The following PRR19 variants were observed in gnomAD, a reference collection of about 807,000 sequenced individuals.
The protein encoded by PRR19 is proline rich 19, also known as proline-rich protein 19.
Under a neutral mutation model 19.2 loss-of-function variants are expected in PRR19, and 9 were observed. The ratio of observed to expected loss-of-function variants is 0.47; its 90% CI spans 0.28 to 0.82. PRR19 has a LOEUF of 0.82. Among genes scored for constraint, PRR19 ranks in the 40% least tolerant of loss-of-function variants. PRR19 has a pLI of 0.11. For missense variants in PRR19, 457 were observed against 466.0 expected (o/e 0.98, Z 0.18); for synonymous variants, 190 against 191.0 (o/e 0.99, Z 0.04).
chr19:42,306,850 AG>A (rs937295309), intron 1 of PRR19: 25 of 152,144 alleles, frequency 1.6e-4, no homozygotes, highest in African/African-American at 5.5e-4. Context: ...CTGGGAGGGG[AG>A]GGGCTATAAC....
chr19:42,302,379 C>G lies in PRR19; in HGVS notation c.-131C>G. On this transcript the variant is annotated 5_prime_UTR_variant, in exon 1 of 3. Transcript: ENST00000341747. ...GGGAGTGTTCCGAACGGAGCTGGCT[C>G]CGCCACGCCCACTCCTACCCCTCGC... is the stretch of plus-strand genomic sequence containing the variant. The G allele has an allele frequency of 1.4e-6, 2 of 1,386,240 alleles. No homozygotes were observed. Among genetic ancestry groups the G allele is most frequent in the Non-Finnish European group, 2.0e-6 (2 of 1,015,492 alleles). 85.9% of individuals were successfully genotyped at this position (1,386,240 alleles called of 1,614,324 possible).
At chr19:42,304,298 C>G (rs2038682625) in intron 1 of PRR19, among the ~76,000 whole-genome samples, 1 of 151,306 alleles carries the variant, frequency 6.6e-6, no homozygotes, top group Admixed American at 6.6e-5. Context: ...GAGACTCTGT[C>G]TTAATTACAA....
chr19:42,307,817 G>A (rs1283684389), intron 1 of PRR19, among the ~76,000 whole-genome samples: 1 of 143,102 alleles, frequency 7.0e-6, no homozygotes, highest in Non-Finnish European at 1.5e-5. Flanking sequence ...GAGTGCAGTG[G>A]CGCGATCTCG....
At chr19:42,302,814 G>A (rs541276044) in intron 1 of PRR19, 12 of 137,482 alleles carry the variant, frequency 8.7e-5, no homozygotes, top group African/African-American at 2.9e-4. Flanking sequence ...TGCGGGGGGG[G>A]GGGTGACCCA....
rs765877778 is a variant in PRR19 at position 42,310,273 on chromosome 19, G to C, written c.604G>C (p.Ala202Pro). 2 of 1,614,092 alleles carry C rather than the reference G, an allele frequency of 1.2e-6. No homozygotes were observed. Among genetic ancestry groups the C allele is most frequent in the Non-Finnish European group, 1.7e-6 (2 of 1,180,012 alleles). ...LRGCQPPLPG[A>P]KPGVSERKMT... ...TATGCTTCTTTCCTCTGTGCCAGGGGCCAAGCCTGGGGTCTCTGAGAGAAA... is the reference window on the plus strand; with the variant it reads ...TATGCTTCTTTCCTCTGTGCCAGGGCCCAAGCCTGGGGTCTCTGAGAGAAA... Residue 202 changes from alanine to proline, a missense_variant and splice_region_variant, in exon 3 of 3, where the codon GCC becomes CCC. Transcript: ENST00000341747.
At chr19:42,307,813 A>C (rs2038730071) in intron 1 of PRR19, among the ~76,000 whole-genome samples, 1 of 124,374 alleles carries the variant, frequency 8.0e-6, no homozygotes, top group Non-Finnish European at 1.6e-5. Context: ...GCTGGAGTGC[A>C]GTGGCGCGAT....
chr19:42,305,439 C>T (rs927481520), intron 1 of PRR19, among the ~76,000 whole-genome samples: 4 of 151,794 alleles, frequency 2.6e-5, no homozygotes, highest in South Asian at 2.1e-4. Flanking sequence ...CCACCACGCC[C>T]GGCTAATTTT....
At chr19:42,304,075 C>T (rs1327080658) in intron 1 of PRR19, among the ~76,000 whole-genome samples, 1 of 150,106 alleles carries the variant, frequency 6.7e-6, no homozygotes, top group African/African-American at 2.5e-5. Context: ...GGTCAACCAG[C>T]CTGGCCAACA....
chr19:42,304,667 G>A (rs1394313866), intron 1 of PRR19, among the ~76,000 whole-genome samples: 1 of 146,014 alleles, frequency 6.8e-6, no homozygotes, highest in South Asian at 2.2e-4. Context: ...GGAGAATAGC[G>A]TGAACCTGGG....
Position 42,302,264 on chromosome 19 carries a change from C to A in PRR19, c.-246C>A, listed in dbSNP as rs1435256125. On this transcript the variant is annotated 5_prime_UTR_variant, in exon 1 of 3. Transcript: ENST00000341747. Reference sequence around the variant, plus strand: ...ATCCAGCGCCCGTCGCCCTGTACGTCCTGCACCGGCGTGGGCTTGCTGGCT... The same window carrying A: ...ATCCAGCGCCCGTCGCCCTGTACGTACTGCACCGGCGTGGGCTTGCTGGCT... 1.2e-6 allele frequency: 2 copies of A among 1,606,912 alleles called. No homozygotes were observed. Among genetic ancestry groups the A allele is most frequent in the Non-Finnish European group, 1.7e-6 (2 of 1,177,238 alleles).
chr19:42,310,342 C>G lies in PRR19; in HGVS notation c.673C>G (p.Gln225Glu). The change falls in exon 3 of 3, where the codon CAG becomes GAG. Residue 225 changes from glutamine to glutamate, a missense_variant. Coordinates refer to ENST00000341747, the MANE Select transcript of PRR19 (RefSeq NM_199285.3). ...TAATAGCCCTGATCAAGTCCCAGAGCAGGAGAGGCAAAGGAAGCAACAAGG... is the reference window on the plus strand; with the variant it reads ...TAATAGCCCTGATCAAGTCCCAGAGGAGGAGAGGCAAAGGAAGCAACAAGG... ...WINSPDQVPEQERQRKQQGTK... is the reference protein window; with the variant it reads ...WINSPDQVPEEERQRKQQGTK... 6.2e-7 allele frequency: 1 copy of G among 1,614,154 alleles called. No individual in the cohort carries two copies. The highest frequency in any genetic ancestry group is 8.5e-7 in the Non-Finnish European group (1 of 1,180,018).
rs1351118664 is a variant in PRR19, at chr19:42,310,432, C to A, written c.763C>A (p.Leu255Met). Reference sequence around the variant, plus strand: ...CATGCCCACTGCGCACAGGGGGAGTCTGGCACCGCCAAGAGGTCCCTGGCC... The same window carrying A: ...CATGCCCACTGCGCACAGGGGGAGTATGGCACCGCCAAGAGGTCCCTGGCC... ...SSMPTAHRGS[L>M]APPRGPWPPY... The change falls in exon 3 of 3, where the codon CTG (leucine) becomes ATG (methionine). Residue 255 changes from leucine to methionine, a missense_variant. By Grantham distance (15) the Leu-to-Met change is conservative. Transcript: ENST00000341747. The A allele has an allele frequency of 7.4e-6, 12 of 1,614,218 alleles. No individual in the cohort carries two copies. The highest frequency in any genetic ancestry group is 8.5e-6 in the Non-Finnish European group (10 of 1,180,028).
chr19:42,309,641 T>C lies in PRR19; in HGVS notation c.57T>C (p.Arg19=). 1 of 1,559,654 alleles carries C rather than the reference T, an allele frequency of 6.4e-7. No homozygotes were observed. The change falls in exon 2 of 3, where the codon CGT becomes CGC. Residue 19 remains arginine, a synonymous_variant. Coordinates refer to ENST00000341747, the MANE Select transcript of PRR19 (RefSeq NM_199285.3). ...TTCAGCAGCCTGAGAAACCTGGTCG[T>C]GTCCGTCGTCGGAAGACTAGGCGGG... is the stretch of plus-strand genomic sequence containing the variant. The part of the protein sequence containing the change: ...QPFQQPEKPG[R]VRRRKTRRER...
intron 1 of PRR19, among the ~76,000 whole-genome samples, chr19:42,303,202 C>CA (rs1171058816): frequency 6.6e-6 from 1 of 151,764 alleles, no homozygotes; most frequent in Non-Finnish European, 1.5e-5. Flanking sequence ...AACATATAAA[C>CA]TACATATCTT....
At position 42,309,706 on chromosome 19, in the gene PRR19, C is replaced by A. The variant is rs2038761073; in HGVS notation, c.122C>A (p.Ala41Asp). 1 of 1,605,418 alleles carries A rather than the reference C, an allele frequency of 6.2e-7. No individual in the cohort carries two copies. The highest frequency in any genetic ancestry group is 8.5e-7 in the Non-Finnish European group (1 of 1,173,558). ...CTGGTGGGCAGCCGCCGGCCATTAG[C>A]CCACCACGATCCTCCTGTGGCCATT... is the stretch of plus-strand genomic sequence containing the variant. Reference protein sequence around the residue: ...KALVGSRRPLAHHDPPVAIRD... With the variant: ...KALVGSRRPLDHHDPPVAIRD... The change falls in exon 2 of 3, where the codon GCC becomes GAC. Residue 41 changes from alanine to aspartate, a missense_variant. Transcript: ENST00000341747.
At chr19:42,304,698 C>T (rs942152038) in intron 1 of PRR19, among the ~76,000 whole-genome samples, 1 of 136,742 alleles carries the variant, frequency 7.3e-6, no homozygotes, top group Admixed American at 7.9e-5. Flanking sequence ...TGCAGTGAGC[C>T]GAGATGGCAC....
At position 42,309,724 on chromosome 19, in the gene PRR19, T is replaced by C; in HGVS notation, c.140T>C (p.Val47Ala). The change falls in exon 2 of 3, where the codon GTG (valine) becomes GCG (alanine). Residue 47 changes from valine (V) to alanine (A), a missense_variant. Val to Ala is a moderately conservative substitution (Grantham distance 64, BLOSUM62 0). Transcript: ENST00000341747. The part of the protein sequence containing the change: ...RRPLAHHDPP[V>A]AIRDPPVVPT... ...CCATTAGCCCACCACGATCCTCCTG[T>C]GGCCATTCGGGATCCACCTGTGGTC... The C allele has an allele frequency of 6.2e-7, 1 of 1,607,706 alleles. No individual in the cohort carries two copies.
chr19:42,310,764 G>T lies in PRR19; in HGVS notation c.*24G>T, dbSNP rs374800302. On this transcript the variant is annotated 3_prime_UTR_variant, in exon 3 of 3. Transcript: ENST00000341747. ...GAGGAGAGGCTGAGGCTAGGGCTGG[G>T]GACAGATATCTTGTACTCCCAGTGA... is the stretch of plus-strand genomic sequence containing the variant. 6.9e-7 allele frequency: 1 copy of T among 1,459,048 alleles called. No homozygotes were observed. The highest frequency in any genetic ancestry group is 9.2e-7 in the Non-Finnish European group (1 of 1,081,538). 90.4% of individuals were successfully genotyped at this position (1,459,048 alleles called of 1,614,324 possible).
chr19:42,302,214 C>G lies in PRR19; in HGVS notation c.-296C>G. 6.3e-7 allele frequency: 1 copy of G among 1,579,046 alleles called. No homozygotes were observed. On this transcript the variant is annotated 5_prime_UTR_variant, in exon 1 of 3. Transcript: ENST00000341747. ...CCGCGCCCCCGGACTCCTCAATATC[C>G]CAGGTGGGAACGCTCACCAGGGACA...
Sources: allele counts gnomAD v4.1 joint callset (sites outside exome capture counted in the v4.1 genomes callset), GRCh38; gene constraint gnomAD v4.1.1; transcripts MANE v1.5; gene names NCBI Gene and HGNC (gene_info 2026-07-23, HGNC 2026-07-21).